Variants in NFATC2 observed in about 807,000 individuals in gnomAD.
The protein encoded by NFATC2 is nuclear factor of activated T cells 2.
A neutral mutation model predicts 87.3 loss-of-function variants in NFATC2; 22 were observed. The ratio of observed to expected loss-of-function variants is 0.25; its 90% confidence interval spans 0.18 to 0.36. NFATC2 has a LOEUF of 0.36. Ranked by LOEUF, NFATC2 falls within the 10% of genes least tolerant of loss-of-function variation. NFATC2 has a pLI of 1.00. For synonymous variants in NFATC2, 565 were observed against 542.2 expected, an observed-to-expected ratio of 1.04 and a Z score of -0.58; for missense variants, 1,149 against 1,259.1, an observed-to-expected ratio of 0.91 and a Z score of 1.32.
chr20:51,523,566 G>A lies in NFATC2; in HGVS notation c.675C>T (p.Ser225=), dbSNP rs1188230863. The change falls in exon 2 of 11, where the codon AGC becomes AGT. Residue 225 remains serine (S), a synonymous_variant. Coordinates refer to ENST00000371564, the MANE Select transcript of NFATC2 (RefSeq NM_012340.5). This position sits in a 1 kb window ranked among gnomAD's most constrained non-coding sequence, Gnocchi z 6.9. ...GGCCCAGGCAGCTGTCCTCGGCGAGGCTGGTTCGAGGTGACATTATTGGCG... is the reference window on the plus strand; with the variant it reads ...GGCCCAGGCAGCTGTCCTCGGCGAGACTGGTTCGAGGTGACATTATTGGCG... ...RTSPIMSPRT[S]LAEDSCLGRH... 2 of 1,613,812 alleles carry A rather than the reference G, an allele frequency of 1.2e-6. No individual in the cohort carries two copies.
chr20:51,412,942 G>A (rs574363198), intron 9 of NFATC2, among the ~76,000 whole-genome samples: 2 of 138,396 alleles, frequency 1.4e-5, no homozygotes, highest in South Asian at 2.5e-4. Flanking sequence ...GGATGAGGCC[G>A]CCGACCCCAC....
chr20:51,391,565 C>T (rs1986351868), intron 10 of NFATC2, 114 bp from the exon 11 acceptor site: 3 of 1,136,538 alleles, frequency 2.6e-6, no homozygotes, highest in Non-Finnish European at 3.8e-6. Flanking sequence ...ATTTTTGAGA[C>T]AAGGTCTTGC....
At chr20:51,451,626 C>T (rs6021214) in intron 6 of NFATC2, among the ~76,000 whole-genome samples, 6,769 of 152,278 alleles carry the variant, frequency 0.044, 483 homozygotes, top group African/African-American at 0.15. Flanking sequence ...AAGTGGGTGG[C>T]GGGCGAGAGA....
intron 1 of NFATC2, among the ~76,000 whole-genome samples, chr20:51,553,988 C>A (rs933032232): frequency 2.6e-5 from 4 of 152,286 alleles, no homozygotes; most frequent in Non-Finnish European, 5.9e-5. Flanking sequence ...TCTCTCCATT[C>A]TCTTCCCTGC....
At chr20:51,489,280 C>T (rs2075842223) in intron 3 of NFATC2, among the ~76,000 whole-genome samples, 1 of 152,194 alleles carries the variant, frequency 6.6e-6, no homozygotes, top group Non-Finnish European at 1.5e-5. Flanking sequence ...CTATCTCCCT[C>T]CTTCCTTGGA....
chr20:51,416,254 ACT>A (rs1423962815), intron 9 of NFATC2, among the ~76,000 whole-genome samples: 1 of 151,836 alleles, frequency 6.6e-6, no homozygotes, highest in East Asian at 1.9e-4. Flanking sequence ...AGAGAGTGAG[ACT>A]CTGTCTCAAA....
chr20:51,541,832 G>A (rs977199645), intron 1 of NFATC2, among the ~76,000 whole-genome samples: 2 of 152,140 alleles, frequency 1.3e-5, no homozygotes, highest in African/African-American at 2.4e-5. Flanking sequence ...CAAAGTCCCC[G>A]TCAACCACTG....
At chr20:51,407,216 T>C (rs74453147) in intron 9 of NFATC2, among the ~76,000 whole-genome samples, 11,319 of 152,178 alleles carry the variant, frequency 0.074, 573 homozygotes, top group East Asian at 0.27. Flanking sequence ...CCACCTCCCC[T>C]GAGGTGCTCC....
At chr20:51,557,940 C>T (rs570501735) in intron 1 of NFATC2, among the ~76,000 whole-genome samples, 1 of 152,278 alleles carries the variant, frequency 6.6e-6, no homozygotes, top group African/African-American at 2.4e-5. Flanking sequence ...GTGATAAGTA[C>T]CAGGATGCAA....
chr20:51,540,264 C>T (rs2076785144), intron 1 of NFATC2, among the ~76,000 whole-genome samples: 1 of 152,214 alleles, frequency 6.6e-6, no homozygotes, highest in Non-Finnish European at 1.5e-5. Flanking sequence ...CCGCCCGCCT[C>T]AGCCTCCCAA....
At chr20:51,535,042 G>A (rs769537439) in intron 1 of NFATC2, among the ~76,000 whole-genome samples, 7 of 152,128 alleles carry the variant, frequency 4.6e-5, no homozygotes, top group African/African-American at 7.2e-5. Context: ...GATTAAACTC[G>A]TGATTTAGCA....
chr20:51,496,560 T>A (rs1450420179), intron 3 of NFATC2, among the ~76,000 whole-genome samples: 1 of 152,026 alleles, frequency 6.6e-6, no homozygotes, highest in Admixed American at 6.6e-5. Flanking sequence ...CTATTATAGG[T>A]CTTATCTCTA....
intron 6 of NFATC2, among the ~76,000 whole-genome samples, chr20:51,436,254 T>G (rs1983547769): frequency 6.6e-6 from 1 of 152,120 alleles, no homozygotes; most frequent in Non-Finnish European, 1.5e-5. Flanking sequence ...TGAAGTTATA[T>G]TTTAAAAAAT....
intron 3 of NFATC2, among the ~76,000 whole-genome samples, chr20:51,489,599 C>T (rs1024876630): frequency 6.6e-6 from 1 of 152,170 alleles, no homozygotes; most frequent in Non-Finnish European, 1.5e-5. Flanking sequence ...AGTAAGACAA[C>T]CATGTCTAGG....
rs1346424135 is a variant in NFATC2 at position 51,477,533 on chromosome 20, GTC to G, written c.1333-1875_1333-1874del. Among the ~76,000 whole-genome samples, 159 of 68,464 alleles carry G rather than the reference GTC, an allele frequency of 2.3e-3. 1 individual carries two copies. The highest frequency in any genetic ancestry group is 8.3e-3 in the Middle Eastern group (1 of 120). 44.9% of individuals were successfully genotyped at this position (68,464 alleles called of 152,430 possible). Reference sequence around the variant, plus strand: ...TATATATATACATATGTGTGTGTGTGTCTATATATATATATATATATATATAT... The same window carrying G: ...TATATATATACATATGTGTGTGTGTGTATATATATATATATATATATATAT... On this transcript the variant is annotated intron_variant, in intron 3 of 10. Transcript: ENST00000371564.
At chr20:51,522,869 G>A (rs377592051) in intron 2 of NFATC2, among the ~76,000 whole-genome samples, 5 of 152,152 alleles carry the variant, frequency 3.3e-5, no homozygotes, top group South Asian at 4.1e-4. Flanking sequence ...GGTGAGTCAG[G>A]TACACGAATT....
intron 3 of NFATC2, among the ~76,000 whole-genome samples, chr20:51,484,390 C>T (rs1315602027): frequency 6.6e-6 from 1 of 152,162 alleles, no homozygotes; most frequent in Non-Finnish European, 1.5e-5. Context: ...CCACCTGACG[C>T]TTCCCTCCAC....
At chr20:51,537,982 G>A (rs2146787738) in intron 1 of NFATC2, among the ~76,000 whole-genome samples, 1 of 152,290 alleles carries the variant, frequency 6.6e-6, no homozygotes, top group Admixed American at 6.5e-5. Flanking sequence ...AATTCCCACA[G>A]TATAGAGAAA....
chr20:51,392,607 G>A (rs1437043326), intron 10 of NFATC2, among the ~76,000 whole-genome samples: 2 of 152,220 alleles, frequency 1.3e-5, no homozygotes, highest in Non-Finnish European at 2.9e-5. Context: ...TAGTCGTGGG[G>A]TGGAAGGCAT....
Sources: allele counts gnomAD v4.1 joint callset (sites outside exome capture counted in the v4.1 genomes callset), GRCh38; gene constraint gnomAD v4.1.1; non-coding constraint Gnocchi (gnomAD v3.1); transcripts MANE v1.5; gene names NCBI Gene and HGNC (gene_info 2026-07-23, HGNC 2026-07-21).